The following DGKA variants were observed in gnomAD, a reference collection of about 807,000 sequenced individuals.
DGKA encodes 80 kDa diacylglycerol kinase.
A neutral mutation model predicts 105.0 loss-of-function variants in DGKA; 35 were observed. That is an observed-to-expected ratio of 0.33 (90% CI 0.25 to 0.44). The LOEUF (loss-of-function observed/expected upper bound fraction) is 0.44, where lower values mean the gene tolerates loss of function less well. Ranked by LOEUF, DGKA falls within the 20% of genes least tolerant of loss-of-function variation. DGKA has a pLI of 1.00. For missense variants in DGKA, 665 were observed against 915.0 expected (o/e 0.73, Z 3.53); for synonymous variants, 296 against 332.0 (o/e 0.89, Z 1.18).
rs1010636233 is a variant in DGKA at position 55,936,242 on chromosome 12, T to G, written c.-81-181T>G. On this transcript the variant is annotated intron_variant, in intron 1 of 23. Coordinates refer to ENST00000331886, the MANE Select transcript of DGKA (RefSeq NM_001345.5). ...AAACAGAGACAGAGGACAGACACTG[T>G]CAGGGAAGGTAGAGGCATAGGGAAG... is the stretch of plus-strand genomic sequence containing the variant. 3 of 666,720 alleles carry G rather than the reference T, an allele frequency of 4.5e-6. No homozygotes were observed. In the Admixed American group the frequency reaches 1.1e-4, roughly 24 times the overall value. 41.3% of individuals were successfully genotyped at this position (666,720 alleles called of 1,614,324 possible).
chr12:55,938,068 G>C lies in DGKA; in HGVS notation c.349+16G>C, dbSNP rs1478657050. Reference sequence around the variant, plus strand: ...AAGTTAGAATGTGAGTTGCCCTTCTGAAGTGAGGTGGCAGGGCAGTGAAGG... The same window carrying C: ...AAGTTAGAATGTGAGTTGCCCTTCTCAAGTGAGGTGGCAGGGCAGTGAAGG... On this transcript the variant is annotated intron_variant, in intron 5 of 23. Transcript: ENST00000331886. 1 of 1,610,072 alleles carries C rather than the reference G, an allele frequency of 6.2e-7. No homozygotes were observed. Among genetic ancestry groups the C allele is most frequent in the East Asian group, 2.2e-5 (1 of 44,860 alleles).
chr12:55,930,081 A>G (rs1883306468), upstream of DGKA, among the ~76,000 whole-genome samples: 2 of 152,214 alleles, frequency 1.3e-5, no homozygotes, highest in Admixed American at 6.6e-5. Context: ...ACTGATAGGC[A>G]GAGGTGTTAG....
chr12:55,942,975 ACTGT>A, intron 17 of DGKA, among the ~76,000 whole-genome samples: 1 of 152,268 alleles, frequency 6.6e-6, no homozygotes, highest in Middle Eastern at 3.4e-3. Context: ...CATTGGGGGA[ACTGT>A]AAGTCATTCA....
In DGKA at chr12:55,939,429, C is replaced by T. The variant is rs113515918; in HGVS notation, c.609C>T (p.Asp203=). Residue 203 remains aspartate, a synonymous_variant, in exon 9 of 24, where the codon GAC becomes GAT. Transcript: ENST00000331886. ...LLGLEMTLKD[D]GQHMWRPKRF... is the part of the protein sequence containing the mutation. ...TGCCTTCCTAGACTCTGAAGGACGA[C>T]GGACAGCACATGTGGAGGCCCAAGA... The T allele has an allele frequency of 1.8e-3, 2,942 of 1,614,130 alleles. 49 individuals are homozygous for T. In the African/African-American group the frequency reaches 0.033, roughly 18 times the overall value.
chr12:55,939,430 G>A lies in DGKA; in HGVS notation c.610G>A (p.Gly204Arg), dbSNP rs1404186075. The change falls in exon 9 of 24, where the codon GGA becomes AGA. Residue 204 changes from glycine (G) to arginine (R), a missense_variant. Gly to Arg is a moderately radical substitution (Grantham distance 125). Around this residue, in one of 3 missense-constraint regions of DGKA, gnomAD observed 504 missense variants for 681.2 expected, o/e 0.74. Coordinates refer to ENST00000331886, the MANE Select transcript of DGKA (RefSeq NM_001345.5). ...GCCTTCCTAGACTCTGAAGGACGAC[G>A]GACAGCACATGTGGAGGCCCAAGAG... ...LGLEMTLKDDGQHMWRPKRFP... is the reference protein window; with the variant it reads ...LGLEMTLKDDRQHMWRPKRFP... The A allele has an allele frequency of 6.2e-7, 1 of 1,614,176 alleles. No homozygotes were observed. Among genetic ancestry groups the A allele is most frequent in the Non-Finnish European group, 8.5e-7 (1 of 1,180,032 alleles).
upstream of DGKA, chr12:55,927,820 G>C: frequency 6.6e-7 from 1 of 1,518,112 alleles, no homozygotes; most frequent in South Asian, 1.2e-5. Flanking sequence ...CTGCCCCGCT[G>C]GGCGGCGCCG....
At chr12:55,941,620 C>T (rs768855531) in intron 15 of DGKA, 36 bp downstream of exon 15, 54 of 1,601,502 alleles carry the variant, frequency 3.4e-5, no homozygotes, top group Non-Finnish European at 4.3e-5. Flanking sequence ...ACAGTGTTTT[C>T]GTGGGTCTGT....
chr12:55,938,296 A>T lies in DGKA; in HGVS notation c.350-215A>T, dbSNP rs191350348. The T allele has an allele frequency of 8.1e-5, 57 of 703,106 alleles. 1 individual carries two copies. The highest frequency in any genetic ancestry group is 4.5e-4 in the Admixed American group (16 of 35,586). 43.6% of individuals were successfully genotyped at this position (703,106 alleles called of 1,614,324 possible). A position where few individuals can be genotyped will look rare whatever the true frequency, so the allele number is the denominator to read the frequency against. ...GTAGGCGGCCTAGGATGTCCTTGGGATATGGATTATGTATTGTCTCCCCTG... is the reference window on the plus strand; with the variant it reads ...GTAGGCGGCCTAGGATGTCCTTGGGTTATGGATTATGTATTGTCTCCCCTG... On this transcript the variant is annotated intron_variant, in intron 5 of 23. Coordinates refer to ENST00000331886, the MANE Select transcript of DGKA (RefSeq NM_001345.5).
In DGKA at chr12:55,938,510, G is replaced by A; in HGVS notation, c.350-1G>A. 6.2e-7 allele frequency: 1 copy of A among 1,614,020 alleles called. No homozygotes were observed. The highest frequency in any genetic ancestry group is 8.5e-7 in the Non-Finnish European group (1 of 1,179,976). ...CCTGGCCCCCCTAAAACACCCCACA[G>A]TCACCTTCAAGCTGTACGACACGGA... is the stretch of plus-strand genomic sequence containing the variant. On this transcript the variant is annotated splice_acceptor_variant, in intron 5 of 23. Transcript: ENST00000331886. LOFTEE classifies it high-confidence loss of function.
In DGKA at chr12:55,937,533, T is replaced by C; in HGVS notation, c.264T>C (p.Asn88=). The C allele has an allele frequency of 6.2e-7, 1 of 1,614,018 alleles. No homozygotes were observed. Among genetic ancestry groups the C allele is most frequent in the Non-Finnish European group, 8.5e-7 (1 of 1,179,976 alleles). Residue 88 remains asparagine (N), a synonymous_variant, in exon 4 of 24, where the codon AAT becomes AAC. Coordinates refer to ENST00000331886, the MANE Select transcript of DGKA (RefSeq NM_001345.5). ...FETGHCLNET[N]VTKDVVCLND... ...CTGGTCACTGCTTAAATGAGACAAA[T>C]GTGACAAAAGGTATGGTCAAGCAGG...
In DGKA at chr12:55,941,186, C is replaced by A; in HGVS notation, c.1102-66C>A. 4 of 1,534,912 alleles carry A rather than the reference C, an allele frequency of 2.6e-6. No individual in the cohort carries two copies. In the African/African-American group the frequency reaches 5.5e-5, roughly 21 times the overall value. Reference sequence around the variant, plus strand: ...GAATGCTAGCCCTCTGCCCCTGTCTCCTGGGCCCACCTTAACTCTGACAAA... The same window carrying A: ...GAATGCTAGCCCTCTGCCCCTGTCTACTGGGCCCACCTTAACTCTGACAAA... On this transcript the variant is annotated intron_variant, in intron 13 of 23. Coordinates refer to ENST00000331886, the MANE Select transcript of DGKA (RefSeq NM_001345.5).
intron 23 of DGKA, 92 bp downstream of exon 23, chr12:55,953,502 C>T: frequency 7.2e-7 from 1 of 1,396,668 alleles, no homozygotes; most frequent in Admixed American, 1.7e-5. Flanking sequence ...CCTTCTGATG[C>T]CTGAACTTCC....
chr12:55,929,198 TG>T, upstream of DGKA: 1 of 152,256 alleles, frequency 6.6e-6, no homozygotes, highest in Non-Finnish European at 1.5e-5. Flanking sequence ...TTGCAAGTGT[TG>T]TGACACTGTG....
chr12:55,940,588 C>T lies in DGKA; in HGVS notation c.919-36C>T. On this transcript the variant is annotated intron_variant, in intron 11 of 23. Transcript: ENST00000331886. The surrounding 1 kb of genome is among the most constrained non-coding windows in gnomAD (Gnocchi z 4.3). ...GCCAGGTTGAGAGGAGACAGGGTTA[C>T]CTTCGTGATCTCTCTGTGCCCACCT... is the stretch of plus-strand genomic sequence containing the variant. 1 of 1,556,846 alleles carries T rather than the reference C, an allele frequency of 6.4e-7. No homozygotes were observed. Among genetic ancestry groups the T allele is most frequent in the Non-Finnish European group, 8.7e-7 (1 of 1,153,208 alleles).
chr12:55,953,292 G>C, intron 22 of DGKA, 58 bp from the exon 23 acceptor site: 2 of 1,612,690 alleles, frequency 1.2e-6, no homozygotes, highest in East Asian at 4.5e-5. Context: ...AACCTAAGAA[G>C]CAGAGTTTTG....
In DGKA at chr12:55,940,666, T is replaced by C. The variant is rs1885739435; in HGVS notation, c.961T>C (p.Cys321Arg). The part of the protein sequence containing the change: ...CLQAVGHECD[C>R]GLLRDHILPP... ...GCAAGCGGTGGGCCATGAGTGTGAC[T>C]GTGGGCTGCTCCGGGATCACATCCT... The change falls in exon 12 of 24, where the codon TGT (cysteine) becomes CGT (arginine). Residue 321 changes from cysteine to arginine, a missense_variant. This residue lies in a region of DGKA where 504 missense variants were observed against 681.2 expected (regional missense o/e 0.74). Transcript: ENST00000331886. This position sits in a 1 kb window ranked among gnomAD's most constrained non-coding sequence, Gnocchi z 4.3. 1.9e-6 allele frequency: 3 copies of C among 1,603,468 alleles called. No homozygotes were observed. The highest frequency in any genetic ancestry group is 2.5e-6 in the Non-Finnish European group (3 of 1,176,628).
chr12:55,952,070 A>C lies in DGKA; in HGVS notation c.1623A>C (p.Arg541=). 1.2e-6 allele frequency: 2 copies of C among 1,614,048 alleles called. No individual in the cohort carries two copies. The highest frequency in any genetic ancestry group is 2.7e-5 in the African/African-American group (2 of 74,996). The change falls in exon 19 of 24, where the codon CGA becomes CGC. Residue 541 remains arginine (R), a synonymous_variant. Coordinates refer to ENST00000331886, the MANE Select transcript of DGKA (RefSeq NM_001345.5). The surrounding 1 kb of genome is among the most constrained non-coding windows in gnomAD (Gnocchi z 5.1). ...ASIAHRFHIM[R]EKYPEKFNSR... ...TTGCTCATCGATTCCACATCATGCG[A>C]GAGAAATATCCGGAGAAGTTCAACA...
Position 55,939,518 on chromosome 12 carries a change from T to C in DGKA, c.698T>C (p.Leu233Pro). 1 of 1,614,082 alleles carries C rather than the reference T, an allele frequency of 6.2e-7. No individual in the cohort carries two copies. Among genetic ancestry groups the C allele is most frequent in the Non-Finnish European group, 8.5e-7 (1 of 1,179,976 alleles). ...ESSIGLGKQG[L>P]SCNLCKYTVH... ...AGCATTGGTCTTGGCAAACAGGGAC[T>C]GAGCTGTAACCGTGAGTAATGGGAG... Residue 233 changes from leucine (L) to proline (P), a missense_variant, in exon 9 of 24, where the codon CTG becomes CCG. Coordinates refer to ENST00000331886, the MANE Select transcript of DGKA (RefSeq NM_001345.5).
upstream of DGKA, chr12:55,927,643 C>G: frequency 6.6e-7 from 1 of 1,507,702 alleles, no homozygotes; most frequent in Non-Finnish European, 8.9e-7. Context: ...ATTCGTGTGC[C>G]GATTGCTGTC....
Sources: gnomAD v4.1 joint callset for allele counts (sites outside exome capture counted in the v4.1 genomes callset) on GRCh38, gnomAD v4.1.1 for gene constraint, gnomAD v4.1.1 regional missense constraint, Gnocchi (gnomAD v3.1) non-coding constraint, MANE v1.5 for transcripts, NCBI Gene and HGNC (gene_info 2026-07-23, HGNC 2026-07-21) for gene names.